PLAAT5: variants seen among roughly 807,000 people sequenced by gnomAD.
The protein encoded by PLAAT5 is Ca(2+)-independent N-acyltransferase.
A neutral mutation model predicts 27.8 loss-of-function variants in PLAAT5; 27 were observed. The ratio of observed to expected loss-of-function variants is 0.97; its 90% CI spans 0.72 to 1.34. PLAAT5 has a LOEUF of 1.34. Among genes scored for constraint, PLAAT5 ranks in the 40% most tolerant of loss-of-function variants. The probability of loss-of-function intolerance (pLI) is 0.00; values close to 1 mark genes in which losing one functional copy is unlikely to be tolerated. For synonymous variants in PLAAT5, 125 were observed against 136.1 expected (o/e 0.92, Z 0.57); for missense variants, 368 against 343.8 (o/e 1.07, Z -0.56).
chr11:63,485,522 G>GA (rs1244388697), intron 3 of PLAAT5, among the ~76,000 whole-genome samples: 1 of 152,084 alleles, frequency 6.6e-6, no homozygotes, highest in Non-Finnish European at 1.5e-5. Context: ...ACATAAAGTA[G>GA]AAAAGGACAT....
chr11:63,469,438 T>A (rs904364837), intron 3 of PLAAT5: 1 of 245,848 alleles, frequency 4.1e-6, no homozygotes, highest in Non-Finnish European at 9.0e-6. Context: ...AGCCCTGGAA[T>A]ATGGAGAGAC....
At chr11:63,468,722 T>G (rs1455573353) in intron 3 of PLAAT5, among the ~76,000 whole-genome samples, 1 of 152,224 alleles carries the variant, frequency 6.6e-6, no homozygotes, top group Non-Finnish European at 1.5e-5. Context: ...GAATGTATCC[T>G]CCAATATATA....
chr11:63,484,465 G>A (rs922341399), intron 3 of PLAAT5, among the ~76,000 whole-genome samples: 1 of 152,018 alleles, frequency 6.6e-6, no homozygotes. Context: ...GGGTTTTATA[G>A]CAGGGATGCA....
chr11:63,469,141 TGTGTGAGA>T (rs1238700892), intron 3 of PLAAT5, among the ~76,000 whole-genome samples: 14 of 142,038 alleles, frequency 9.9e-5, no homozygotes, highest in African/African-American at 6.1e-5. Flanking sequence ...TGTGTGTGTG[TGTGTGAGA>T]GAGAGAGAGA....
rs1475008715 is a variant in PLAAT5 at position 63,462,029 on chromosome 11, G to A, written c.*1474C>T. On this transcript the variant is annotated 3_prime_UTR_variant, in exon 6 of 6. Coordinates refer to ENST00000540857, the MANE Select transcript of PLAAT5 (RefSeq NM_001146729.2). ...CAGAAGTTACTAAACACTCCTTGGTGTGGAGGAGTTTTTTGTTAATGAAAC... is the reference window on the plus strand; with the variant it reads ...CAGAAGTTACTAAACACTCCTTGGTATGGAGGAGTTTTTTGTTAATGAAAC... 1 of 152,206 alleles carries A rather than the reference G, an allele frequency of 6.6e-6. No individual in the cohort carries two copies. The highest frequency in any genetic ancestry group is 1.5e-5 in the Non-Finnish European group (1 of 68,046). The allele number at this position is 152,206 out of a possible 1,614,324, so 9.4% of individuals were successfully genotyped here.
intron 3 of PLAAT5, among the ~76,000 whole-genome samples, chr11:63,488,100 A>G (rs1166887342): frequency 6.6e-6 from 1 of 152,220 alleles, no homozygotes; most frequent in Non-Finnish European, 1.5e-5. Context: ...AGCCAAGATC[A>G]CGCCACTGCA....
At chr11:63,477,849 G>T (rs2016189889) in intron 3 of PLAAT5, among the ~76,000 whole-genome samples, 1 of 152,098 alleles carries the variant, frequency 6.6e-6, no homozygotes, top group Non-Finnish European at 1.5e-5. Context: ...TGCCGCGAAG[G>T]CTTTACCTTT....
At chr11:63,484,187 C>A (rs1470370149) in intron 3 of PLAAT5, among the ~76,000 whole-genome samples, 1 of 147,984 alleles carries the variant, frequency 6.8e-6, no homozygotes, top group African/African-American at 2.5e-5. Flanking sequence ...CAGGACCAGA[C>A]AGATTCACAG....
At chr11:63,490,045 G>C (rs910981879) in intron 2 of PLAAT5, among the ~76,000 whole-genome samples, 198 bp downstream of exon 2, 5 of 152,186 alleles carry the variant, frequency 3.3e-5, no homozygotes, top group Admixed American at 1.3e-4. Context: ...CAGCTGCAAC[G>C]CATGCCTGTG....
chr11:63,465,799 A>AG (rs1423618509), intron 5 of PLAAT5, among the ~76,000 whole-genome samples: 1 of 152,086 alleles, frequency 6.6e-6, no homozygotes, highest in East Asian at 1.9e-4. Context: ...CCAAAGAAAG[A>AG]GGGGAAAAAA....
rs1159567702 is a variant in PLAAT5, at chr11:63,483,787, ATATATATATATATG to A, written c.345+5070_345+5083del. 4.1e-4 allele frequency among the ~76,000 whole-genome samples: 30 copies of A among 72,748 alleles called. 2 individuals are homozygous for A. Among genetic ancestry groups the A allele is most frequent in the African/African-American group, 2.1e-3 (27 of 12,690 alleles). 47.7% of individuals were successfully genotyped at this position (72,748 alleles called of 152,430 possible). A position where few individuals can be genotyped will look rare whatever the true frequency, so the allele number is the denominator to read the frequency against. ...AATGAAATTGAAGCAAAAAAAAAAT[ATATATATATATATG>A]TATATATATATATATATATATATAT... On this transcript the variant is annotated intron_variant, in intron 3 of 5. Coordinates refer to ENST00000540857, the MANE Select transcript of PLAAT5 (RefSeq NM_001146729.2).
chr11:63,475,286 C>A (rs957067122), intron 3 of PLAAT5, among the ~76,000 whole-genome samples: 5 of 151,962 alleles, frequency 3.3e-5, no homozygotes, highest in Non-Finnish European at 5.9e-5. Context: ...CAATTTATCC[C>A]TTTATTTCTA....
At chr11:63,483,425 G>A (rs2016331669) in intron 3 of PLAAT5, among the ~76,000 whole-genome samples, 1 of 151,680 alleles carries the variant, frequency 6.6e-6, no homozygotes, top group Non-Finnish European at 1.5e-5. Flanking sequence ...GACCACAGTG[G>A]AATAAAATTA....
chr11:63,478,204 C>T (rs2016196779), intron 3 of PLAAT5, among the ~76,000 whole-genome samples: 1 of 152,222 alleles, frequency 6.6e-6, no homozygotes, highest in African/African-American at 2.4e-5. Context: ...ACGCCATTCC[C>T]TCCCACAAGC....
intron 3 of PLAAT5, among the ~76,000 whole-genome samples, chr11:63,468,963 C>A (rs2015939533): frequency 6.6e-6 from 1 of 152,088 alleles, no homozygotes; most frequent in Admixed American, 6.6e-5. Flanking sequence ...CCCCTGCTGG[C>A]ACCCTGATTC....
intron 3 of PLAAT5, among the ~76,000 whole-genome samples, chr11:63,483,514 T>C (rs1431678389): frequency 2.0e-5 from 3 of 151,374 alleles, no homozygotes; most frequent in African/African-American, 7.3e-5. Context: ...TGATATTTGG[T>C]CAACAATGAA....
At chr11:63,489,914 G>A (rs2016520229) in intron 2 of PLAAT5, among the ~76,000 whole-genome samples, 1 of 152,196 alleles carries the variant, frequency 6.6e-6, no homozygotes. Flanking sequence ...AGTGAATTCA[G>A]GAAATCTGCC....
intron 1 of PLAAT5, chr11:63,490,566 A>T (rs1590632270): frequency 6.0e-6 from 4 of 666,216 alleles, no homozygotes; most frequent in Non-Finnish European, 1.0e-5. Context: ...AATCGGGGAG[A>T]GGATGAAGAA....
chr11:63,469,411 C>T, intron 3 of PLAAT5: 1 of 251,172 alleles, frequency 4.0e-6, no homozygotes, highest in South Asian at 6.7e-5. Context: ...TGATCAACTA[C>T]CTGGAGCAAA....
Sources: allele counts gnomAD v4.1 joint callset (sites outside exome capture counted in the v4.1 genomes callset), GRCh38; gene constraint gnomAD v4.1.1; transcripts MANE v1.5; gene names NCBI Gene and HGNC (gene_info 2026-07-23, HGNC 2026-07-21).